Variants in GYG1 observed in about 807,000 individuals in gnomAD.
GYG1 encodes the protein glycogenin 1, also known as glycogenin-1.
In GYG1, 44 loss-of-function variants were observed where a neutral mutation model predicts 41.9. The observed-to-expected ratio is 1.05, with a 90% CI of 0.83 to 1.35. The LOEUF (loss-of-function observed/expected upper bound fraction) is 1.35. Among genes scored for constraint, GYG1 ranks in the 40% most tolerant of loss-of-function variants. The pLI is 0.00. For missense variants in GYG1, 429 were observed against 418.9 expected, an observed-to-expected ratio of 1.02 and a Z score of -0.21; for synonymous variants, 141 against 158.1, an observed-to-expected ratio of 0.89 and a Z score of 0.81.
At chr3:149,019,186 G>A (rs140107074) in intron 5 of GYG1, among the ~76,000 whole-genome samples, 3 of 151,982 alleles carry the variant, frequency 2.0e-5, no homozygotes, top group African/African-American at 4.8e-5. Context: ...AATCCTTTGC[G>A]TGATTTCTGT....
At chr3:149,013,810 A>G (rs1262057439) in intron 5 of GYG1, among the ~76,000 whole-genome samples, 1 of 152,096 alleles carries the variant, frequency 6.6e-6, no homozygotes, top group East Asian at 1.9e-4. Flanking sequence ...CTTGGCTCCA[A>G]CTCTCCACGT....
chr3:149,009,671 T>C (rs1373149444), intron 5 of GYG1, among the ~76,000 whole-genome samples: 1 of 152,174 alleles, frequency 6.6e-6, no homozygotes. Flanking sequence ...TATTAATATG[T>C]CATGGTCAAA....
Position 149,029,124 on chromosome 3 carries a change from GCTAGAAAATCACTGAA to G in GYG1, c.*2195_*2210del, listed in dbSNP as rs1172243743. Among the ~76,000 whole-genome samples, 1 of 152,198 alleles carries G rather than the reference GCTAGAAAATCACTGAA, an allele frequency of 6.6e-6. No homozygotes were observed. Among genetic ancestry groups the G allele is most frequent in the East Asian group, 1.9e-4 (1 of 5,200 alleles). Reference sequence around the variant, plus strand: ...GCATATAATGCTGTCAAGTTATTTGGCTAGAAAATCACTGAACTAAACATTCTTTTCCTTCTATGAT... The same window carrying G: ...GCATATAATGCTGTCAAGTTATTTGGCTAAACATTCTTTTCCTTCTATGAT... On this transcript the variant is annotated 3_prime_UTR_variant, in exon 8 of 8. Coordinates refer to ENST00000345003, the MANE Select transcript of GYG1 (RefSeq NM_004130.4).
Position 148,991,652 on chromosome 3 carries a change from C to G in GYG1, c.7+5C>G. ...CACCCGGCAGCACCATGACAGGTAC[C>G]GCCGCGCAGCCCGCCGCCGCCAGCC... On this transcript the variant is annotated splice_donor_5th_base_variant and intron_variant, in intron 1 of 7. Transcript: ENST00000345003. The G allele has an allele frequency of 3.3e-6, 5 of 1,534,880 alleles. No homozygotes were observed. The highest frequency in any genetic ancestry group is 4.4e-6 in the Non-Finnish European group (5 of 1,148,294).
intron 1 of GYG1, among the ~76,000 whole-genome samples, 178 bp downstream of exon 1, chr3:148,991,825 C>A (rs1195573344): frequency 6.6e-6 from 1 of 152,204 alleles, no homozygotes; most frequent in Non-Finnish European, 1.5e-5. Context: ...CGCCCCGCCG[C>A]CCCCCAGAGT....
rs200530870 is a variant in GYG1, at chr3:148,994,249, G to A, written c.115G>A (p.Ala39Thr). The A allele has an allele frequency of 3.8e-5, 62 of 1,613,884 alleles. No homozygotes were observed. The highest frequency in any genetic ancestry group is 8.3e-5 in the Admixed American group (5 of 59,982). ...GACCACCAGGAGGCTGGTCGTGCTCGCCACCCCTCAGGTCTCAGACTCCAT... is the reference window on the plus strand; with the variant it reads ...GACCACCAGGAGGCTGGTCGTGCTCACCACCCCTCAGGTCTCAGACTCCAT... ...HRTTRRLVVLATPQVSDSMRK... is the reference protein window; with the variant it reads ...HRTTRRLVVLTTPQVSDSMRK... Residue 39 changes from alanine (A) to threonine (T), a missense_variant, in exon 2 of 8, where the codon GCC becomes ACC. Transcript: ENST00000345003.
intron 1 of GYG1, chr3:148,992,336 A>C (rs73866929): frequency 0.077 from 11,696 of 152,592 alleles, 526 homozygotes; most frequent in South Asian, 0.15. Context: ...CGTGTCATTG[A>C]GGCTAATAGC....
intron 5 of GYG1, among the ~76,000 whole-genome samples, chr3:149,020,512 T>A (rs1386244500): frequency 1.3e-5 from 2 of 152,244 alleles, no homozygotes; most frequent in Admixed American, 1.3e-4. Context: ...TCTTCATGCC[T>A]TGGTTTCCTC....
chr3:148,997,307 T>C (rs1406318363), intron 4 of GYG1, among the ~76,000 whole-genome samples: 1 of 152,182 alleles, frequency 6.6e-6, no homozygotes, highest in Admixed American at 6.5e-5. Context: ...GCATTGTCAC[T>C]ATGGAAACTT....
At chr3:149,011,525 C>T (rs1426510061) in intron 5 of GYG1, among the ~76,000 whole-genome samples, 2 of 152,152 alleles carry the variant, frequency 1.3e-5, no homozygotes, top group Admixed American at 6.5e-5. Context: ...CCATTGAGCA[C>T]GTTGTACCTT....
In GYG1 at chr3:148,996,862, A is replaced by G. The variant is rs140175164; in HGVS notation, c.439A>G (p.Asn147Asp). 1,403 of 1,613,764 alleles carry G rather than the reference A, an allele frequency of 8.7e-4. No individual in the cohort carries two copies. The highest frequency in any genetic ancestry group is 9.2e-4 in the Admixed American group (55 of 60,018). ...FVYQPSVETY[N>D]QLLHLASEQG... Reference sequence around the variant, plus strand: ...TTATCAGCCTTCAGTTGAAACATACAATCAGCTGTTGCATCTTGCTTCTGA... The same window carrying G: ...TTATCAGCCTTCAGTTGAAACATACGATCAGCTGTTGCATCTTGCTTCTGA... Residue 147 changes from asparagine (N) to aspartate (D), a missense_variant, in exon 4 of 8, where the codon AAT becomes GAT. Coordinates refer to ENST00000345003, the MANE Select transcript of GYG1 (RefSeq NM_004130.4).
chr3:148,996,332 C>T lies in GYG1; in HGVS notation c.174C>T (p.Val58=), dbSNP rs751279594. 1.2e-6 allele frequency: 2 copies of T among 1,611,646 alleles called. No individual in the cohort carries two copies. Among genetic ancestry groups the T allele is most frequent in the Non-Finnish European group, 1.7e-6 (2 of 1,179,336 alleles). The part of the protein sequence containing the change: ...RKVLETVFDE[V]IMVDVLDSGD... ...TTTTAGAGACAGTCTTTGATGAAGT[C>T]ATCATGGTAGATGTCTTGGACAGTG... Residue 58 remains valine, a synonymous_variant, in exon 3 of 8, where the codon GTC becomes GTT. Coordinates refer to ENST00000345003, the MANE Select transcript of GYG1 (RefSeq NM_004130.4).
rs112812222 is a variant in GYG1 at position 149,023,922 on chromosome 3, C to G, written c.609-131C>G. 8.5e-3 allele frequency: 6,284 copies of G among 736,890 alleles called. 302 individuals carry two copies. In the African/African-American group the frequency reaches 0.096, roughly 11 times the overall value. 45.6% of individuals were successfully genotyped at this position (736,890 alleles called of 1,614,324 possible). A position where few individuals can be genotyped will look rare whatever the true frequency, so the allele number is the denominator to read the frequency against. On this transcript the variant is annotated intron_variant, in intron 5 of 7. Transcript: ENST00000345003. ...TAGTGAACTGTCATGCTACTGCACT[C>G]CAGCCTGGGTGACAGAGTGAGACAC...
Position 149,017,770 on chromosome 3 carries a change from GT to G in GYG1, c.609-6268del, listed in dbSNP as rs559013912. 5.1e-3 allele frequency among the ~76,000 whole-genome samples: 672 copies of G among 132,090 alleles called. 6 individuals carry two copies. Among genetic ancestry groups the G allele is most frequent in the Non-Finnish European group, 7.2e-3 (435 of 60,778 alleles). The allele number at this position is 132,090 out of a possible 152,430, so 86.7% of individuals were successfully genotyped here. ...AGGCACACACCGCCATGCCCAGCTAGTTTTTTTTTTTTTTTGTATTTTAGTA... is the reference window on the plus strand; with the variant it reads ...AGGCACACACCGCCATGCCCAGCTAGTTTTTTTTTTTTTTGTATTTTAGTA... On this transcript the variant is annotated intron_variant, in intron 5 of 7. Transcript: ENST00000345003.
Position 148,991,610 on chromosome 3 carries a change from T to G in GYG1, c.-31T>G, listed in dbSNP as rs1328970030. On this transcript the variant is annotated 5_prime_UTR_variant, in exon 1 of 8. Transcript: ENST00000345003. ...CTTCTCTGAGTCACCAACCTGAGGC[T>G]GCCCCGGCCGCCTGCGCACCCGGCA... The G allele has an allele frequency of 2.6e-6, 4 of 1,554,646 alleles. No individual in the cohort carries two copies. The highest frequency in any genetic ancestry group is 2.6e-6 in the Non-Finnish European group (3 of 1,158,934).
rs1371154063 is a variant in GYG1 at position 149,009,376 on chromosome 3, A to G, written c.582A>G (p.Ile194Met). The change falls in exon 5 of 8, where the codon ATA (isoleucine) becomes ATG (methionine). Residue 194 changes from isoleucine to methionine, a missense_variant. Ile to Met is a conservative substitution (Grantham distance 10). Coordinates refer to ENST00000345003, the MANE Select transcript of GYG1 (RefSeq NM_004130.4). ...PFIYNLSSIS[I>M]YSYLPAFKVF... ...TTTATAACCTAAGCAGCATCTCTATATACTCCTACCTCCCGGCATTTAAAG... is the reference window on the plus strand; with the variant it reads ...TTTATAACCTAAGCAGCATCTCTATGTACTCCTACCTCCCGGCATTTAAAG... The G allele has an allele frequency of 2.5e-6, 4 of 1,613,360 alleles. No homozygotes were observed. The highest frequency in any genetic ancestry group is 3.4e-6 in the Non-Finnish European group (4 of 1,179,284).
chr3:149,022,382 C>T (rs1229838905), intron 5 of GYG1, among the ~76,000 whole-genome samples: 1 of 151,908 alleles, frequency 6.6e-6, no homozygotes, highest in Non-Finnish European at 1.5e-5. Context: ...CTTAGAACCT[C>T]TTTTTGTCCC....
chr3:149,026,272 T>C (rs1053721993), intron 6 of GYG1, among the ~76,000 whole-genome samples, 180 bp from the exon 7 acceptor site: 4 of 152,222 alleles, frequency 2.6e-5, no homozygotes, highest in Admixed American at 6.5e-5. Flanking sequence ...TTCCTTCTTA[T>C]AATGTGATAA....
Position 149,024,053 on chromosome 3 carries a change from G to C in GYG1, c.609G>C (p.Val203=). The C allele has an allele frequency of 6.2e-7, 1 of 1,612,528 alleles. No individual in the cohort carries two copies. The highest frequency in any genetic ancestry group is 8.5e-7 in the Non-Finnish European group (1 of 1,178,510). Residue 203 remains valine (V), a splice_region_variant and synonymous_variant, in exon 6 of 8, where the codon GTG becomes GTC. Coordinates refer to ENST00000345003, the MANE Select transcript of GYG1 (RefSeq NM_004130.4). ...SIYSYLPAFK[V]FGASAKVVHF... The stretch of plus-strand genomic sequence containing the variant: ...GTTTCAACTTGCGTTCACTTGGCAG[G>C]TTTGGTGCAAGTGCCAAAGTTGTGC...
Sources: allele counts gnomAD v4.1 joint callset (sites outside exome capture counted in the v4.1 genomes callset), GRCh38; gene constraint gnomAD v4.1.1; transcripts MANE v1.5; gene names NCBI Gene and HGNC (gene_info 2026-07-23, HGNC 2026-07-21).